NDUFAF6: variants seen among roughly 807,000 people sequenced by gnomAD.
NDUFAF6 encodes NADH:ubiquinone oxidoreductase complex assembly factor 6.
Under a neutral mutation model 40.8 loss-of-function variants are expected in NDUFAF6, and 45 were observed. The observed-to-expected ratio is 1.10, with a 90% CI of 0.87 to 1.42. The LOEUF is 1.42. Ranked by LOEUF, NDUFAF6 falls within the 40% of genes most tolerant of loss-of-function variation. The pLI is 0.00. For synonymous variants in NDUFAF6, 185 were observed against 155.9 expected, an observed-to-expected ratio of 1.19 and a Z score of -1.39; for missense variants, 435 against 418.5, an observed-to-expected ratio of 1.04 and a Z score of -0.34.
downstream of NDUFAF6, chr8:95,078,662 A>AAAAAATAT (rs545018367): frequency 5.8e-5 from 7 of 121,050 alleles, no homozygotes; most frequent in African/African-American, 2.3e-4. Flanking sequence ...AAAAAAAAAA[A>AAAAAATAT]ATATATATAT....
At chr8:94,938,509 T>C (rs751263930) in intron 1 of NDUFAF6, among the ~76,000 whole-genome samples, 2 of 152,226 alleles carry the variant, frequency 1.3e-5, no homozygotes, top group Non-Finnish European at 1.5e-5. Flanking sequence ...TGGGATGTGG[T>C]CACTATAAAG....
intron 2 of NDUFAF6, among the ~76,000 whole-genome samples, chr8:95,102,573 A>G (rs887708775): frequency 1.3e-5 from 2 of 152,306 alleles, no homozygotes; most frequent in Non-Finnish European, 1.5e-5. Flanking sequence ...ACTTGCTAGA[A>G]ATCTATTCCC....
At chr8:94,914,827 CAAAA>C (rs530780157) in intron 1 of NDUFAF6, among the ~76,000 whole-genome samples, 1 of 128,614 alleles carries the variant, frequency 7.8e-6, no homozygotes, top group Non-Finnish European at 1.7e-5. Flanking sequence ...GGAGGCGTCT[CAAAA>C]AAAAAAAAAT....
intron 1 of NDUFAF6, among the ~76,000 whole-genome samples, chr8:94,933,676 A>T (rs951148947): frequency 6.6e-6 from 1 of 151,974 alleles, no homozygotes; most frequent in Non-Finnish European, 1.5e-5. Flanking sequence ...GAGGCATGAG[A>T]ATTGCTTGAA....
At chr8:95,071,554 G>A (rs1457609681) in intron 9 of NDUFAF6, among the ~76,000 whole-genome samples, 1 of 152,154 alleles carries the variant, frequency 6.6e-6, no homozygotes, top group East Asian at 1.9e-4. Context: ...TTGCCCCAGA[G>A]CCGACCCCAG....
downstream of NDUFAF6, among the ~76,000 whole-genome samples, chr8:95,080,572 G>GGTAGTGTATTTTT (rs1563858285): frequency 1.4e-4 from 21 of 145,790 alleles, no homozygotes; most frequent in African/African-American, 3.3e-4. Flanking sequence ...AGTGTATTTT[G>GGTAGTGTATTTTT]GTAGTGTATT....
At chr8:94,976,940 C>T (rs1393565666) in intron 1 of NDUFAF6, among the ~76,000 whole-genome samples, 2 of 151,840 alleles carry the variant, frequency 1.3e-5, no homozygotes, top group African/African-American at 2.4e-5. Context: ...CGCTTGAGTC[C>T]AAGAGTTTGA....
upstream of NDUFAF6, among the ~76,000 whole-genome samples, chr8:94,957,322 A>C (rs866162174): frequency 3.3e-5 from 5 of 152,126 alleles, no homozygotes; most frequent in South Asian, 2.1e-4. Flanking sequence ...TAAATGTGCA[A>C]CTTATCAGCT....
chr8:94,896,738 G>C (rs942601220), intron 1 of NDUFAF6: 1 of 152,144 alleles, frequency 6.6e-6, no homozygotes, highest in Non-Finnish European at 1.5e-5. Flanking sequence ...GCTCCCGCCC[G>C]GCCTTTTGTG....
intron 2 of NDUFAF6, among the ~76,000 whole-genome samples, chr8:94,993,227 C>G (rs544630936): frequency 6.6e-6 from 1 of 152,188 alleles, no homozygotes. Flanking sequence ...TTAGGACCCA[C>G]TCTAACAAGC....
chr8:95,071,484 C>T (rs1284980486), intron 9 of NDUFAF6, among the ~76,000 whole-genome samples: 8 of 152,022 alleles, frequency 5.3e-5, no homozygotes, highest in Non-Finnish European at 2.9e-5. Context: ...GCAGACTCAC[C>T]ACCCCCACAG....
upstream of NDUFAF6, among the ~76,000 whole-genome samples, chr8:94,957,816 G>A (rs1344241601): frequency 6.6e-6 from 1 of 152,098 alleles, no homozygotes; most frequent in East Asian, 1.9e-4. Flanking sequence ...GGGGAAAGAG[G>A]CTCTTTGTTT....
chr8:94,999,855 C>G (rs896565761), intron 2 of NDUFAF6, among the ~76,000 whole-genome samples: 1 of 152,150 alleles, frequency 6.6e-6, no homozygotes, highest in Non-Finnish European at 1.5e-5. Context: ...CCTAGTCAGC[C>G]TCTCCCTGAT....
intron 1 of NDUFAF6, among the ~76,000 whole-genome samples, chr8:94,899,052 A>G (rs1016910651): frequency 2.0e-5 from 3 of 152,184 alleles, no homozygotes; most frequent in Non-Finnish European, 4.4e-5. Flanking sequence ...TAAAACATAC[A>G]TAAAGGAAAA....
intron 2 of NDUFAF6, among the ~76,000 whole-genome samples, chr8:94,952,689 G>A (rs1341039000): frequency 6.6e-6 from 1 of 152,238 alleles, no homozygotes; most frequent in East Asian, 1.9e-4. Context: ...TACCATCTCA[G>A]AAAGGAGTCA....
intron 2 of NDUFAF6, among the ~76,000 whole-genome samples, chr8:95,011,855 TAGTA>T (rs1466683182): frequency 3.9e-5 from 6 of 152,202 alleles, no homozygotes; most frequent in Non-Finnish European, 5.9e-5. Context: ...CTCAAAAGTC[TAGTA>T]AGTATCTTAT....
At chr8:94,899,339 A>G (rs150774695) in intron 1 of NDUFAF6, among the ~76,000 whole-genome samples, 35 of 152,368 alleles carry the variant, frequency 2.3e-4, no homozygotes, top group African/African-American at 7.9e-4. Flanking sequence ...CACAGAACAC[A>G]CTTTGAGAAC....
chr8:95,105,058 C>T (rs1587280935), downstream of NDUFAF6, among the ~76,000 whole-genome samples: 1 of 62,338 alleles, frequency 1.6e-5, no homozygotes, highest in Non-Finnish European at 2.9e-5. Context: ...CACACACACA[C>T]ACACACACAG....
chr8:94,999,243 C>T (rs1826601883), intron 2 of NDUFAF6, among the ~76,000 whole-genome samples: 1 of 151,794 alleles, frequency 6.6e-6, no homozygotes, highest in Admixed American at 6.6e-5. Flanking sequence ...CCTGCCTGAG[C>T]TTCCCAAGTA....
Sources: allele counts gnomAD v4.1 joint callset (sites outside exome capture counted in the v4.1 genomes callset), GRCh38; gene constraint gnomAD v4.1.1; transcripts MANE v1.5; gene names NCBI Gene and HGNC (gene_info 2026-07-23, HGNC 2026-07-21).